SPAG17: variants seen among roughly 807,000 people sequenced by gnomAD.
SPAG17 encodes the protein sperm-associated antigen 17.
Under a neutral mutation model 273.6 loss-of-function variants are expected in SPAG17, and 169 were observed. The observed-to-expected ratio is 0.62, with a 90% CI of 0.55 to 0.70. The LOEUF (loss-of-function observed/expected upper bound fraction) is 0.70, where lower values mean the gene tolerates loss of function less well. SPAG17 is among the 30% of genes least tolerant of loss of function. The pLI is 0.00. For missense variants in SPAG17, 2,557 were observed against 2,627.8 expected (o/e 0.97, Z 0.59); for synonymous variants, 825 against 873.2 (o/e 0.94, Z 0.97).
chr1:118,115,507 T>C (rs976387435), intron 3 of SPAG17, 66 bp from the exon 4 acceptor site: 6 of 1,431,900 alleles, frequency 4.2e-6, no homozygotes, highest in African/African-American at 1.5e-5. Context: ...CTGTCAGTGA[T>C]GAAAAGATGA....
At chr1:118,134,714 G>A (rs759291160) in intron 3 of SPAG17, among the ~76,000 whole-genome samples, 1 of 152,060 alleles carries the variant, frequency 6.6e-6, no homozygotes, top group Non-Finnish European at 1.5e-5. Flanking sequence ...TTGTCCTTGA[G>A]CCACCTGTCC....
chr1:118,116,581 G>A (rs1482416960), intron 3 of SPAG17, among the ~76,000 whole-genome samples: 1 of 152,070 alleles, frequency 6.6e-6, no homozygotes, highest in Non-Finnish European at 1.5e-5. Context: ...AGTTGCTTTT[G>A]ACTTGTTACT....
chr1:118,148,183 T>G (rs1181444324), intron 3 of SPAG17, among the ~76,000 whole-genome samples: 1 of 152,200 alleles, frequency 6.6e-6, no homozygotes, highest in African/African-American at 2.4e-5. Context: ...AGACTTTCGC[T>G]CCTCAGGAGT....
chr1:118,031,554 A>G (rs1015293572), intron 25 of SPAG17, 138 bp downstream of exon 25: 7 of 895,994 alleles, frequency 7.8e-6, no homozygotes, highest in African/African-American at 5.0e-5. Context: ...TTCAAAGTTG[A>G]GACTACAAGG....
chr1:118,144,927 A>G (rs527335673), intron 3 of SPAG17, among the ~76,000 whole-genome samples: 1 of 152,320 alleles, frequency 6.6e-6, no homozygotes, highest in South Asian at 2.1e-4. Flanking sequence ...CTACAAGTGA[A>G]GTTAAACTAA....
At chr1:117,980,116 C>G (rs1291996969) in intron 43 of SPAG17, among the ~76,000 whole-genome samples, 1 of 152,184 alleles carries the variant, frequency 6.6e-6, no homozygotes, top group Non-Finnish European at 1.5e-5. Flanking sequence ...TAGAACAATG[C>G]CTAGCACACA....
Position 117,984,756 on chromosome 1 carries a change from T to C in SPAG17, c.5696A>G (p.Tyr1899Cys). The C allele has an allele frequency of 1.2e-6, 2 of 1,609,800 alleles. No homozygotes were observed. The highest frequency in any genetic ancestry group is 1.7e-6 in the Non-Finnish European group (2 of 1,176,758). Residue 1899 changes from tyrosine (Y) to cysteine (C), a missense_variant, in exon 41 of 49, where the codon TAC (tyrosine) becomes TGC (cysteine). Physicochemically the swap from Tyr to Cys is radical, Grantham distance 194. Transcript: ENST00000336338. The part of the protein sequence containing the change: ...TRKEIETTQN[Y>C]LMDIKNRIIP... Reference sequence around the variant, plus strand: ...TATGCGGTTCTTAATATCCATTAGGTAATTCTGTGTTGTCTCAATTTCCTT... The same window carrying C: ...TATGCGGTTCTTAATATCCATTAGGCAATTCTGTGTTGTCTCAATTTCCTT...
intron 7 of SPAG17, among the ~76,000 whole-genome samples, chr1:118,095,194 G>C (rs1655628810): frequency 6.6e-6 from 1 of 152,190 alleles, no homozygotes; most frequent in Admixed American, 6.5e-5. Context: ...TGATTAAAAT[G>C]TGGACACTGC....
At chr1:118,022,106 A>G (rs1660554563) in intron 28 of SPAG17, among the ~76,000 whole-genome samples, 1 of 152,136 alleles carries the variant, frequency 6.6e-6, no homozygotes, top group Non-Finnish European at 1.5e-5. Flanking sequence ...GAAATTGAGA[A>G]AAGTTTGTAA....
intron 1 of SPAG17, among the ~76,000 whole-genome samples, chr1:118,181,964 G>C (rs778237563): frequency 2.0e-5 from 3 of 152,028 alleles, no homozygotes; most frequent in Non-Finnish European, 4.4e-5. Context: ...ATTAAATACA[G>C]AATTATCATA....
intron 47 of SPAG17, chr1:117,964,995 C>T (rs1489667319): frequency 6.6e-6 from 1 of 152,184 alleles, no homozygotes; most frequent in Non-Finnish European, 1.5e-5. Flanking sequence ...CTCTCTTCAG[C>T]CTACAAACAT....
In SPAG17 at chr1:117,973,503, C is replaced by T. The variant is rs748702216; in HGVS notation, c.6063G>A (p.Ala2021=). The change falls in exon 44 of 49, where the codon GCG becomes GCA. Residue 2021 remains alanine (A), a synonymous_variant. Coordinates refer to ENST00000336338, the MANE Select transcript of SPAG17 (RefSeq NM_206996.4). ...IPTQSLLQDV[A]GQTRKEKVKL... ...TCACTTTTTCTTTTCTTGTTTGTCCCGCAACATCCTGCAGCAAGGACTGGG... is the reference window on the plus strand; with the variant it reads ...TCACTTTTTCTTTTCTTGTTTGTCCTGCAACATCCTGCAGCAAGGACTGGG... The T allele has an allele frequency of 2.5e-5, 41 of 1,613,880 alleles. No individual in the cohort carries two copies. Among genetic ancestry groups the T allele is most frequent in the Non-Finnish European group, 3.1e-5 (37 of 1,179,950 alleles).
rs778331323 is a variant in SPAG17 at position 118,185,142 on chromosome 1, CCTT to C, written c.13_15del (p.Lys5del). Reference sequence around the variant, plus strand: ...CTGGTGTTCACAGTTCCTCCTTTCTCCTTCTTGGGTGCCATGCAAAGGACGGGA... The same window carrying C: ...CTGGTGTTCACAGTTCCTCCTTTCTCCTTGGGTGCCATGCAAAGGACGGGA... On this transcript the variant is annotated inframe_deletion, in exon 1 of 49. Transcript: ENST00000336338. The C allele has an allele frequency of 5.6e-6, 9 of 1,614,086 alleles. No individual in the cohort carries two copies. The highest frequency in any genetic ancestry group is 1.7e-4 in the Middle Eastern group (1 of 6,060).
At position 118,067,169 on chromosome 1, in the gene SPAG17, T is replaced by G. The variant is rs148666365; in HGVS notation, c.2386-270A>C. On this transcript the variant is annotated intron_variant, in intron 17 of 48. Coordinates refer to ENST00000336338, the MANE Select transcript of SPAG17 (RefSeq NM_206996.4). ...TTGCTACAAGTGTTCTTCATTAAGG[T>G]TGGTAGGTAATAATTAAGCACAGCA... Among the ~76,000 whole-genome samples, 1,447 of 152,200 alleles carry G rather than the reference T, an allele frequency of 9.5e-3. 23 individuals carry two copies. The highest frequency in any genetic ancestry group is 0.034 in the African/African-American group (1,393 of 41,524).
At chr1:118,181,133 A>G (rs941336398) in intron 1 of SPAG17, among the ~76,000 whole-genome samples, 1 of 152,080 alleles carries the variant, frequency 6.6e-6, no homozygotes, top group Non-Finnish European at 1.5e-5. Flanking sequence ...TATCTATAGA[A>G]TATACACAGA....
intron 20 of SPAG17, among the ~76,000 whole-genome samples, chr1:118,046,179 G>T (rs1008035323): frequency 6.6e-6 from 1 of 151,722 alleles, no homozygotes; most frequent in Non-Finnish European, 1.5e-5. Flanking sequence ...TCTACAAAAA[G>T]TTAAAAACTT....
intron 5 of SPAG17, 95 bp downstream of exon 5, chr1:118,101,645 T>A (rs1375282532): frequency 8.2e-7 from 1 of 1,225,198 alleles, no homozygotes. Flanking sequence ...CAGGAAACTA[T>A]GCGCTCTATG....
Position 118,151,339 on chromosome 1 carries a change from C to T in SPAG17, c.118G>A (p.Val40Ile). The T allele has an allele frequency of 6.2e-7, 1 of 1,612,522 alleles. No homozygotes were observed. The highest frequency in any genetic ancestry group is 8.5e-7 in the Non-Finnish European group (1 of 1,179,018). The change falls in exon 2 of 49, where the codon GTT becomes ATT. Residue 40 changes from valine to isoleucine, a missense_variant. Val to Ile is a conservative substitution (Grantham distance 29). Transcript: ENST00000336338. ...AGATCATCTTCAATCTGGTTCCCAACCACAAAAGCAATGGAGGCCTGCCAA... is the reference window on the plus strand; with the variant it reads ...AGATCATCTTCAATCTGGTTCCCAATCACAAAAGCAATGGAGGCCTGCCAA... ...NDWQASIAFV[V>I]GNQIEDDLLI... is the part of the protein sequence containing the mutation.
chr1:117,987,015 T>C (rs1294120594), intron 40 of SPAG17, among the ~76,000 whole-genome samples: 3 of 152,194 alleles, frequency 2.0e-5, no homozygotes, highest in Non-Finnish European at 4.4e-5. Flanking sequence ...CAACAGACCT[T>C]GCTATAGCCC....
Sources: gnomAD v4.1 joint callset for allele counts (sites outside exome capture counted in the v4.1 genomes callset) on GRCh38, gnomAD v4.1.1 for gene constraint, MANE v1.5 for transcripts, NCBI Gene and HGNC (gene_info 2026-07-23, HGNC 2026-07-21) for gene names.